ATP9B: variants seen among roughly 807,000 people sequenced by gnomAD.
The protein encoded by ATP9B is probable phospholipid-transporting ATPase IIB.
In ATP9B, 110 loss-of-function variants were observed where a neutral mutation model predicts 146.1. The observed-to-expected ratio is 0.75, with a 90% CI of 0.65 to 0.88. ATP9B has a LOEUF of 0.88. ATP9B is among the 40% of genes least tolerant of loss of function. The probability of loss-of-function intolerance (pLI) is 0.00; values close to 1 mark genes in which losing one functional copy is unlikely to be tolerated. For missense variants in ATP9B, 1,499 were observed against 1,496.4 expected (o/e 1.00, Z -0.03); for synonymous variants, 604 against 569.7 (o/e 1.06, Z -0.86).
Position 79,069,519 on chromosome 18 carries a change from C to A in ATP9B, c.109C>A (p.Arg37=), listed in dbSNP as rs1219708995. Residue 37 remains arginine (R), a synonymous_variant, in exon 1 of 30, where the codon CGG becomes AGG. Coordinates refer to ENST00000426216, the MANE Select transcript of ATP9B (RefSeq NM_198531.5). The part of the protein sequence containing the change: ...SAAGPRPGAD[R]HSRYQLEDES... ...CGCGGGGCCCAGGCCGGGAGCCGAC[C>A]GGCACAGCAGGTAACCGAGGCGGCA... is the stretch of plus-strand genomic sequence containing the variant. 1.4e-6 allele frequency: 2 copies of A among 1,420,120 alleles called. No individual in the cohort carries two copies. The highest frequency in any genetic ancestry group is 1.5e-5 in the African/African-American group (1 of 67,082). 88.0% of individuals were successfully genotyped at this position (1,420,120 alleles called of 1,614,324 possible).
chr18:79,237,152 A>T (rs1448674098), intron 11 of ATP9B, among the ~76,000 whole-genome samples: 1 of 32,732 alleles, frequency 3.1e-5, no homozygotes, highest in Non-Finnish European at 5.7e-5. Context: ...CAGTGTCCAC[A>T]CCTGCCCCTT....
Position 79,239,483 on chromosome 18 carries a change from A to G in ATP9B, c.1108-13898A>G, listed in dbSNP as rs1049293230. ...CACCGCCAGCCAAGTCTGCTGTGGC[A>G]GGGACAGGGACGTAGGACGATGGTG... On this transcript the variant is annotated intron_variant, in intron 11 of 29. Transcript: ENST00000426216. The surrounding 1 kb of genome is among the most constrained non-coding windows in gnomAD (Gnocchi z 5.1). Among the ~76,000 whole-genome samples the G allele has an allele frequency of 8.5e-5, 13 of 152,222 alleles. No individual in the cohort carries two copies. The highest frequency in any genetic ancestry group is 3.1e-4 in the African/African-American group (13 of 41,468).
chr18:79,119,098 T>G (rs78740571), intron 4 of ATP9B, among the ~76,000 whole-genome samples: 10,430 of 150,360 alleles, frequency 0.069, 1,249 homozygotes, highest in African/African-American at 0.24. Flanking sequence ...AATTGCCTTG[T>G]GGGTTAAAAC....
intron 8 of ATP9B, among the ~76,000 whole-genome samples, 196 bp downstream of exon 8, chr18:79,177,103 AG>A (rs1403486253): frequency 6.6e-6 from 1 of 152,216 alleles, no homozygotes; most frequent in Non-Finnish European, 1.5e-5. Context: ...AATCAGTTTT[AG>A]GTAATTGTGA....
At chr18:79,071,468 C>G (rs1342928435) in intron 1 of ATP9B, among the ~76,000 whole-genome samples, 5 of 129,166 alleles carry the variant, frequency 3.9e-5, no homozygotes, top group Non-Finnish European at 7.9e-5. Context: ...GATCGTAGCT[C>G]ATTACAGCTT....
At chr18:79,251,168 G>A (rs1013534923) in intron 11 of ATP9B, among the ~76,000 whole-genome samples, 1 of 152,198 alleles carries the variant, frequency 6.6e-6, no homozygotes, top group Non-Finnish European at 1.5e-5. Context: ...CAGTGAAGTG[G>A]CCAAGTGAGC....
intron 26 of ATP9B, among the ~76,000 whole-genome samples, chr18:79,364,635 G>T (rs1362295023): frequency 2.6e-5 from 4 of 152,144 alleles, no homozygotes; most frequent in African/African-American, 9.7e-5. Context: ...CACAAAATAT[G>T]CATGACCTTG....
chr18:79,076,006 T>C (rs1428937470), intron 1 of ATP9B, among the ~76,000 whole-genome samples: 3 of 152,260 alleles, frequency 2.0e-5, no homozygotes, highest in East Asian at 3.8e-4. Context: ...CTGTTGTTGG[T>C]ATTTTAACGG....
At chr18:79,298,296 C>T (rs1387252597) in intron 13 of ATP9B, among the ~76,000 whole-genome samples, 1 of 146,344 alleles carries the variant, frequency 6.8e-6, no homozygotes, top group Non-Finnish European at 1.5e-5. Flanking sequence ...ATGCAGAAAC[C>T]AATGGTGTAT....
intron 5 of ATP9B, among the ~76,000 whole-genome samples, chr18:79,137,897 C>G (rs1233507858): frequency 1.3e-5 from 2 of 152,226 alleles, no homozygotes; most frequent in Non-Finnish European, 2.9e-5. Flanking sequence ...GCCATACACC[C>G]TTTAAAGGTG....
At chr18:79,248,006 C>T (rs986251013) in intron 11 of ATP9B, among the ~76,000 whole-genome samples, 1 of 152,090 alleles carries the variant, frequency 6.6e-6, no homozygotes, top group Non-Finnish European at 1.5e-5. Context: ...AATTGTTGTG[C>T]TGATACTTAT....
intron 11 of ATP9B, among the ~76,000 whole-genome samples, chr18:79,219,567 C>T (rs73000202): frequency 0.38 from 57,106 of 151,964 alleles, 11,641 homozygotes; most frequent in African/African-American, 0.54. Flanking sequence ...TATAGAATTA[C>T]ATGGCCACCA....
chr18:79,285,992 C>T (rs1249837769), intron 13 of ATP9B, among the ~76,000 whole-genome samples: 1 of 150,778 alleles, frequency 6.6e-6, no homozygotes, highest in Non-Finnish European at 1.5e-5. Flanking sequence ...TGTTTTGGTA[C>T]CAGTACCATG....
At chr18:79,111,524 A>T (rs1040343809) in intron 3 of ATP9B, among the ~76,000 whole-genome samples, 4 of 152,142 alleles carry the variant, frequency 2.6e-5, no homozygotes, top group Non-Finnish European at 5.9e-5. Context: ...TAAAATGTAA[A>T]CTGTCTTACA....
At chr18:79,183,567 A>G (rs756926139) in intron 8 of ATP9B, among the ~76,000 whole-genome samples, 6 of 152,112 alleles carry the variant, frequency 3.9e-5, no homozygotes, top group African/African-American at 1.2e-4. Flanking sequence ...ATGTTTCTAA[A>G]TACTTCGTTT....
chr18:79,108,000 T>A (rs116873114), intron 2 of ATP9B, among the ~76,000 whole-genome samples: 4,813 of 152,312 alleles, frequency 0.032, 116 homozygotes, highest in Non-Finnish European at 0.041. Context: ...TGGTAATTCT[T>A]AGGTAACATA....
At chr18:79,078,662 AG>A (rs2072900847) in intron 1 of ATP9B, among the ~76,000 whole-genome samples, 1 of 141,524 alleles carries the variant, frequency 7.1e-6, no homozygotes, top group African/African-American at 2.7e-5. Context: ...TGTATAGTTC[AG>A]TTTTTTTTTT....
chr18:79,139,810 C>T (rs1032399913), intron 5 of ATP9B, among the ~76,000 whole-genome samples: 17 of 152,178 alleles, frequency 1.1e-4, no homozygotes, highest in Non-Finnish European at 2.2e-4. Context: ...TCCTCGCTTC[C>T]CCCCACAACT....
chr18:79,185,095 A>G (rs1351696450), intron 8 of ATP9B, among the ~76,000 whole-genome samples: 1 of 152,182 alleles, frequency 6.6e-6, no homozygotes, highest in African/African-American at 2.4e-5. Flanking sequence ...GTGCAGGGAT[A>G]GGCGGGTTGC....
Sources: allele counts gnomAD v4.1 joint callset (sites outside exome capture counted in the v4.1 genomes callset), GRCh38; gene constraint gnomAD v4.1.1; non-coding constraint Gnocchi (gnomAD v3.1); transcripts MANE v1.5; gene names NCBI Gene and HGNC (gene_info 2026-07-23, HGNC 2026-07-21).